Variants in FGGY observed in about 807,000 individuals in gnomAD.
FGGY encodes the protein FGGY carbohydrate kinase domain containing.
Under a neutral mutation model 71.3 loss-of-function variants are expected in FGGY, and 72 were observed. That is an observed-to-expected ratio of 1.01 (90% CI 0.84 to 1.23). The LOEUF (loss-of-function observed/expected upper bound fraction) is 1.23, where lower values mean the gene tolerates loss of function less well. FGGY is among the 50% of genes most tolerant of loss of function. The pLI is 0.00. For synonymous variants in FGGY, 251 were observed against 250.3 expected, an observed-to-expected ratio of 1.00 and a Z score of -0.02; for missense variants, 668 against 682.3, an observed-to-expected ratio of 0.98 and a Z score of 0.23.
chr1:59,704,650 A>G (rs2097739863), intron 14 of FGGY, among the ~76,000 whole-genome samples: 2 of 152,212 alleles, frequency 1.3e-5, no homozygotes, highest in South Asian at 4.1e-4. Context: ...CAGTAATTCC[A>G]GAATCTGCAT....
chr1:59,577,888 C>T (rs2096112004), intron 8 of FGGY, among the ~76,000 whole-genome samples: 1 of 152,242 alleles, frequency 6.6e-6, no homozygotes, highest in Non-Finnish European at 1.5e-5. Flanking sequence ...GCGCTGTCCA[C>T]CTGCACTCCT....
intron 8 of FGGY, among the ~76,000 whole-genome samples, chr1:59,607,435 G>T (rs376065091): frequency 1.3e-5 from 2 of 152,212 alleles, no homozygotes; most frequent in African/African-American, 4.8e-5. Context: ...GATTGAAGGG[G>T]TAGGGAGATA....
chr1:59,674,224 A>C (rs539762779), intron 14 of FGGY, 91 bp downstream of exon 14: 36 of 888,452 alleles, frequency 4.1e-5, no homozygotes, highest in East Asian at 4.0e-4. Flanking sequence ...CAAAATACAC[A>C]CAGGATATAA....
Position 59,717,020 on chromosome 1 carries a change from T to G in FGGY, c.1513-40911T>G, listed in dbSNP as rs75871868. Among the ~76,000 whole-genome samples the G allele has an allele frequency of 2.5e-3, 376 of 152,292 alleles. 2 individuals carry two copies. The highest frequency in any genetic ancestry group is 8.8e-3 in the African/African-American group (367 of 41,560). On this transcript the variant is annotated intron_variant, in intron 14 of 15. Transcript: ENST00000303721. ...CAATAGTGATCATCATAACACTTAG[T>G]TGCAGGATTGCTGACCACACACATT...
intron 14 of FGGY, among the ~76,000 whole-genome samples, chr1:59,683,229 A>G (rs1233212664): frequency 6.6e-6 from 1 of 152,246 alleles, no homozygotes; most frequent in Non-Finnish European, 1.5e-5. Flanking sequence ...CAGACAAGAA[A>G]CAGGGCCAGA....
intron 5 of FGGY, among the ~76,000 whole-genome samples, chr1:59,450,021 T>C (rs1399947228): frequency 2.6e-5 from 4 of 152,244 alleles, no homozygotes; most frequent in Admixed American, 6.5e-5. Flanking sequence ...TTTATTTTTA[T>C]TCAGCTTTAT....
At chr1:59,537,816 T>C (rs1199598606) in intron 7 of FGGY, among the ~76,000 whole-genome samples, 1 of 152,088 alleles carries the variant, frequency 6.6e-6, no homozygotes, top group Non-Finnish European at 1.5e-5. Context: ...GAAACTAGAT[T>C]CCTTCCTTAC....
intron 4 of FGGY, among the ~76,000 whole-genome samples, chr1:59,367,650 AC>A (rs2056808292): frequency 6.6e-6 from 1 of 152,214 alleles, no homozygotes; most frequent in Non-Finnish European, 1.5e-5. Context: ...CCCTGGTGTC[AC>A]TGCAGTAGCT....
At chr1:59,674,229 A>T in intron 14 of FGGY, 96 bp downstream of exon 14, 1 of 837,238 alleles carries the variant, frequency 1.2e-6, no homozygotes, top group South Asian at 1.6e-5. Flanking sequence ...TACACACAGG[A>T]TATAATTAAG....
chr1:59,624,585 G>C (rs1356266456), intron 9 of FGGY, among the ~76,000 whole-genome samples: 2 of 152,128 alleles, frequency 1.3e-5, no homozygotes, highest in Non-Finnish European at 2.9e-5. Flanking sequence ...TACAGAAAAA[G>C]AGGTGTAATG....
intron 7 of FGGY, among the ~76,000 whole-genome samples, chr1:59,540,909 G>A (rs964893964): frequency 5.9e-5 from 9 of 152,086 alleles, no homozygotes; most frequent in Non-Finnish European, 1.2e-4. Flanking sequence ...CCTGTATTAG[G>A]TGCTTCATAA....
At chr1:59,579,063 A>T (rs373791668) in intron 8 of FGGY, among the ~76,000 whole-genome samples, 3 of 152,088 alleles carry the variant, frequency 2.0e-5, no homozygotes, top group African/African-American at 7.2e-5. Context: ...CTCCATGAAA[A>T]TAACCCTTGA....
chr1:59,723,554 G>GTT (rs563147278), intron 14 of FGGY, among the ~76,000 whole-genome samples: 17 of 81,792 alleles, frequency 2.1e-4, no homozygotes, highest in African/African-American at 6.5e-4. Context: ...GCATTTTCTT[G>GTT]TTTTTTTTTG....
intron 5 of FGGY, among the ~76,000 whole-genome samples, chr1:59,425,980 G>A (rs1316023587): frequency 2.0e-5 from 3 of 152,006 alleles, no homozygotes; most frequent in Non-Finnish European, 2.9e-5. Flanking sequence ...AATTGAATAA[G>A]TTTCAAATAC....
chr1:59,374,926 G>C (rs1327532245), intron 4 of FGGY, among the ~76,000 whole-genome samples: 2 of 106,284 alleles, frequency 1.9e-5, no homozygotes, highest in African/African-American at 7.0e-5. Context: ...GGGGAGGGGG[G>C]AGGGGGGAGG....
intron 8 of FGGY, among the ~76,000 whole-genome samples, chr1:59,570,055 G>T (rs1184460201): frequency 6.6e-6 from 1 of 152,142 alleles, no homozygotes; most frequent in Non-Finnish European, 1.5e-5. Context: ...CCATTGAGCT[G>T]CAAGCCAGTG....
At chr1:59,723,167 T>C (rs2097911656) in intron 14 of FGGY, among the ~76,000 whole-genome samples, 1 of 152,172 alleles carries the variant, frequency 6.6e-6, no homozygotes, top group Non-Finnish European at 1.5e-5. Context: ...TGCTCATTGC[T>C]CTTGGGCTAT....
chr1:59,753,887 G>C (rs975135043), intron 14 of FGGY, among the ~76,000 whole-genome samples: 9 of 152,014 alleles, frequency 5.9e-5, no homozygotes, highest in Non-Finnish European at 1.0e-4. Context: ...TACTTTTTTA[G>C]ATAAATATAA....
At chr1:59,588,813 C>G (rs1040401379) in intron 8 of FGGY, among the ~76,000 whole-genome samples, 1 of 152,142 alleles carries the variant, frequency 6.6e-6, no homozygotes, top group Non-Finnish European at 1.5e-5. Flanking sequence ...AAGGAACAAC[C>G]GGTACCAGCC....
Sources: gnomAD v4.1 joint callset for allele counts (sites outside exome capture counted in the v4.1 genomes callset) on GRCh38, gnomAD v4.1.1 for gene constraint, MANE v1.5 for transcripts, NCBI Gene and HGNC (gene_info 2026-07-23, HGNC 2026-07-21) for gene names.